The following PIAS1 variants were observed in gnomAD, a reference collection of about 807,000 sequenced individuals.
PIAS1 encodes the protein protein inhibitor of activated STAT 1, also known as E3 SUMO-protein ligase PIAS1.
Under a neutral mutation model 71.3 loss-of-function variants are expected in PIAS1, and 6 were observed. The observed-to-expected ratio is 0.08, with a 90% CI of 0.05 to 0.17. The LOEUF is 0.17. Among genes scored for constraint, PIAS1 ranks in the 10% least tolerant of loss-of-function variants. PIAS1 has a pLI of 1.00. For synonymous variants in PIAS1, 303 were observed against 292.9 expected (o/e 1.03, Z -0.35); for missense variants, 555 against 793.6 (o/e 0.70, Z 3.61).
chr15:68,054,411 AG>A lies in PIAS1; in HGVS notation c.24+67del, dbSNP rs530210218. ...CCGCGGAGACGGCGCCGCTGCTGCC[AG>A]GGGGGATGGGTCCGACCCTGGGGGG... On this transcript the variant is annotated intron_variant, in intron 1 of 13. Coordinates refer to ENST00000249636, the MANE Select transcript of PIAS1 (RefSeq NM_016166.3). The surrounding 1 kb of genome is among the most constrained non-coding windows in gnomAD (Gnocchi z 4.6). The A allele has an allele frequency of 2.0e-6, 3 of 1,530,388 alleles. No individual in the cohort carries two copies. The highest frequency in any genetic ancestry group is 2.7e-6 in the Non-Finnish European group (3 of 1,129,446). The allele number at this position is 1,530,388 out of a possible 1,614,324, so 94.8% of individuals were successfully genotyped here.
intron 2 of PIAS1, among the ~76,000 whole-genome samples, chr15:68,099,592 A>G (rs189501770): frequency 6.6e-6 from 1 of 151,960 alleles, no homozygotes; most frequent in African/African-American, 2.4e-5. Flanking sequence ...AGGTGCTTGT[A>G]TGGACATAAG....
chr15:68,126,332 T>C (rs1318976727), intron 2 of PIAS1, among the ~76,000 whole-genome samples: 2 of 152,240 alleles, frequency 1.3e-5, no homozygotes, highest in Admixed American at 6.5e-5. Context: ...AACTTTATTG[T>C]CCAGCCTGTC....
At chr15:68,139,147 A>T (rs1034260620) in intron 2 of PIAS1, among the ~76,000 whole-genome samples, 1 of 152,246 alleles carries the variant, frequency 6.6e-6, no homozygotes, top group Non-Finnish European at 1.5e-5. Context: ...AAAGACTCAG[A>T]GTGAATGAAT....
Position 68,054,352 on chromosome 15 carries a change from T to C in PIAS1, c.24+2T>C. 6.3e-7 allele frequency: 1 copy of C among 1,575,548 alleles called. No individual in the cohort carries two copies. The highest frequency in any genetic ancestry group is 8.6e-7 in the Non-Finnish European group (1 of 1,161,244). ...ATGGCGGACAGTGCGGAACTAAAGG[T>C]AAAGCGCAGCTCGAATTCACTTCTA... On this transcript the variant is annotated splice_donor_variant, in intron 1 of 13. Coordinates refer to ENST00000249636, the MANE Select transcript of PIAS1 (RefSeq NM_016166.3). LOFTEE classifies it high-confidence loss of function. The surrounding 1 kb of genome is among the most constrained non-coding windows in gnomAD (Gnocchi z 4.6).
intron 2 of PIAS1, among the ~76,000 whole-genome samples, chr15:68,088,143 T>A (rs7403752): frequency 0.99 from 135,124 of 135,998 alleles, 67,148 homozygotes; most frequent in Middle Eastern, 1. Context: ...ATATATCATA[T>A]GCATCTTTTC....
Position 68,153,675 on chromosome 15 carries a change from C to A in PIAS1, c.914C>A (p.Pro305Gln). 6.4e-7 allele frequency: 1 copy of A among 1,553,512 alleles called. No homozygotes were observed. The highest frequency in any genetic ancestry group is 8.9e-7 in the Non-Finnish European group (1 of 1,125,312). The change falls in exon 7 of 14, where the codon CCG becomes CAG. Residue 305 changes from proline to glutamine, a missense_variant. Physicochemically the swap from Pro to Gln is moderately conservative, Grantham distance 76 (BLOSUM62 -1). Coordinates refer to ENST00000249636, the MANE Select transcript of PIAS1 (RefSeq NM_016166.3). Reference protein sequence around the residue: ...QRLRAKGIRNPDHSRALIKEK... With the variant: ...QRLRAKGIRNQDHSRALIKEK... ...TTACGAGCAAAGGGAATAAGGAATC[C>A]GGATCATTCTAGAGCTTTAAGTACG... is the stretch of plus-strand genomic sequence containing the variant.
intron 1 of PIAS1, among the ~76,000 whole-genome samples, chr15:68,055,445 A>G (rs879677806): frequency 2.6e-5 from 4 of 152,032 alleles, no homozygotes; most frequent in African/African-American, 4.8e-5. Context: ...TCTTTACCTG[A>G]TGATGGCTTC....
At chr15:68,155,648 T>C (rs947492464) in intron 7 of PIAS1, among the ~76,000 whole-genome samples, 4 of 152,212 alleles carry the variant, frequency 2.6e-5, no homozygotes, top group South Asian at 2.1e-4. Context: ...GACACTCTTA[T>C]GTTCTTGAAA....
At chr15:68,163,137 C>G (rs911227261) in intron 7 of PIAS1, among the ~76,000 whole-genome samples, 1 of 152,166 alleles carries the variant, frequency 6.6e-6, no homozygotes, top group Non-Finnish European at 1.5e-5. Context: ...AGTGAGTAAT[C>G]ACATTAGAAT....
At chr15:68,109,242 A>G (rs1198053438) in intron 2 of PIAS1, among the ~76,000 whole-genome samples, 1 of 152,166 alleles carries the variant, frequency 6.6e-6, no homozygotes, top group Non-Finnish European at 1.5e-5. Flanking sequence ...AGGTATTAAT[A>G]TGTCTGATGA....
chr15:68,169,829 C>T (rs139110898), intron 8 of PIAS1, among the ~76,000 whole-genome samples: 2 of 152,136 alleles, frequency 1.3e-5, no homozygotes, highest in Non-Finnish European at 2.9e-5. Context: ...GTGTAGTAAA[C>T]GTAATTGAAT....
chr15:68,063,332 C>G (rs1343919353), intron 1 of PIAS1, among the ~76,000 whole-genome samples: 1 of 152,164 alleles, frequency 6.6e-6, no homozygotes, highest in Non-Finnish European at 1.5e-5. Flanking sequence ...TCATGCAAGT[C>G]TAATCTTAAA....
rs1274786070 is a variant in PIAS1 at position 68,167,131 on chromosome 15, T to G, written c.1008+2327T>G. Among the ~76,000 whole-genome samples the G allele has an allele frequency of 2.6e-5, 4 of 152,176 alleles. No homozygotes were observed. Among genetic ancestry groups the G allele is most frequent in the Non-Finnish European group, 4.4e-5 (3 of 68,036 alleles). ...CCACCACACCTGGCCAGCAGTTCAT[T>G]TTAAATTGACATCTGCTTTAAAAAT... is the stretch of plus-strand genomic sequence containing the variant. On this transcript the variant is annotated intron_variant, in intron 8 of 13. Transcript: ENST00000249636. This position sits in a 1 kb window ranked among gnomAD's most constrained non-coding sequence, Gnocchi z 4.4.
rs78739466 is a variant in PIAS1 at position 68,096,318 on chromosome 15, T to G, written c.469+9568T>G. On this transcript the variant is annotated intron_variant, in intron 2 of 13. Transcript: ENST00000249636. Reference sequence around the variant, plus strand: ...TCTTTATGTCAAGACCACACTGTTTTGATTACTGTAGCTTTGTAATACGTT... The same window carrying G: ...TCTTTATGTCAAGACCACACTGTTTGGATTACTGTAGCTTTGTAATACGTT... Among the ~76,000 whole-genome samples, 928 of 152,334 alleles carry G rather than the reference T, an allele frequency of 6.1e-3. 3 individuals are homozygous for G. Among genetic ancestry groups the G allele is most frequent in the East Asian group, 0.032 (164 of 5,174 alleles).
chr15:68,088,176 G>GTATGTATATATATATATA (rs1555424823), intron 2 of PIAS1, among the ~76,000 whole-genome samples: 82 of 72,984 alleles, frequency 1.1e-3, no homozygotes, highest in African/African-American at 4.5e-3. Context: ...TTATGTGTGT[G>GTATGTATATATATATATA]TATATATATA....
chr15:68,107,561 T>G (rs1183012633), intron 2 of PIAS1, among the ~76,000 whole-genome samples: 1 of 152,224 alleles, frequency 6.6e-6, no homozygotes, highest in East Asian at 1.9e-4. Context: ...GAGCCTTTCC[T>G]AGGATCATGA....
intron 1 of PIAS1, among the ~76,000 whole-genome samples, chr15:68,085,290 G>C (rs2092269496): frequency 6.6e-6 from 1 of 152,154 alleles, no homozygotes. Context: ...GTGATCTTGG[G>C]TAAGTGATTT....
chr15:68,187,553 C>G lies in PIAS1; in HGVS notation c.1674C>G (p.Thr558=). The G allele has an allele frequency of 6.2e-7, 1 of 1,613,570 alleles. No individual in the cohort carries two copies. Among genetic ancestry groups the G allele is most frequent in the Non-Finnish European group, 8.5e-7 (1 of 1,179,558 alleles). ...FLSGDNQHYN[T]SLLAAAAAAV... ...TTTCCCCTCCCTAGCATTACAACAC[C>G]TCCTTGCTTGCCGCTGCAGCAGCAG... is the stretch of plus-strand genomic sequence containing the variant. Residue 558 remains threonine (T), a synonymous_variant, in exon 14 of 14, where the codon ACC becomes ACG. Coordinates refer to ENST00000249636, the MANE Select transcript of PIAS1 (RefSeq NM_016166.3). The surrounding 1 kb of genome is among the most constrained non-coding windows in gnomAD (Gnocchi z 5.3).
At chr15:68,118,377 C>T (rs1293876845) in intron 2 of PIAS1, among the ~76,000 whole-genome samples, 2 of 152,094 alleles carry the variant, frequency 1.3e-5, no homozygotes, top group Non-Finnish European at 2.9e-5. Context: ...TGCTCTGTCT[C>T]CGAGGCTAGA....
Sources: allele counts gnomAD v4.1 joint callset (sites outside exome capture counted in the v4.1 genomes callset), GRCh38; gene constraint gnomAD v4.1.1; non-coding constraint Gnocchi (gnomAD v3.1); transcripts MANE v1.5; gene names NCBI Gene and HGNC (gene_info 2026-07-23, HGNC 2026-07-21).